EDNRB: variants seen among roughly 807,000 people sequenced by gnomAD.
EDNRB encodes Hirschsprung disease 2.
In EDNRB, 18 loss-of-function variants were observed where a neutral mutation model predicts 46.4. The ratio of observed to expected loss-of-function variants is 0.39; its 90% confidence interval spans 0.27 to 0.57. The LOEUF (loss-of-function observed/expected upper bound fraction) is 0.57, where lower values mean the gene tolerates loss of function less well. Ranked by LOEUF, EDNRB falls within the 20% of genes least tolerant of loss-of-function variation. The pLI is 0.61. For missense variants in EDNRB, 434 were observed against 537.5 expected, an observed-to-expected ratio of 0.81 and a Z score of 1.90; for synonymous variants, 213 against 204.9, an observed-to-expected ratio of 1.04 and a Z score of -0.34.
upstream of EDNRB, chr13:77,919,510 T>C: frequency 6.2e-7 from 1 of 1,612,828 alleles, no homozygotes; most frequent in Non-Finnish European, 8.5e-7. Flanking sequence ...TCCCTTGAGC[T>C]GCAGGCGGGT....
intron 1 of EDNRB, among the ~76,000 whole-genome samples, chr13:77,969,465 C>T (rs1464130818): frequency 6.6e-6 from 1 of 152,178 alleles, no homozygotes; most frequent in East Asian, 1.9e-4. Flanking sequence ...TGGGTTATCT[C>T]CCTCGTGACC....
At chr13:77,936,242 G>A (rs1045079094) in intron 1 of EDNRB, among the ~76,000 whole-genome samples, 1 of 152,144 alleles carries the variant, frequency 6.6e-6, no homozygotes, top group African/African-American at 2.4e-5. Flanking sequence ...GCAATGAGGT[G>A]TGGCTGTAGC....
At chr13:77,902,916 T>A (rs1211317353) in intron 3 of EDNRB, among the ~76,000 whole-genome samples, 5 of 151,990 alleles carry the variant, frequency 3.3e-5, no homozygotes, top group Non-Finnish European at 5.9e-5. Flanking sequence ...AATTCTTTCA[T>A]GTGGACCTGG....
chr13:77,931,045 G>C (rs1454507742), intron 1 of EDNRB, among the ~76,000 whole-genome samples: 3 of 152,170 alleles, frequency 2.0e-5, no homozygotes, highest in Non-Finnish European at 2.9e-5. Flanking sequence ...TCCAGATGCT[G>C]TTTTTGAAAA....
intron 1 of EDNRB, among the ~76,000 whole-genome samples, chr13:77,929,842 T>G (rs1487720897): frequency 6.6e-6 from 1 of 152,230 alleles, no homozygotes; most frequent in African/African-American, 2.4e-5. Flanking sequence ...GTAAGAATAG[T>G]GTCTCCATTG....
chr13:77,915,949 T>C (rs1164250465), intron 1 of EDNRB, among the ~76,000 whole-genome samples: 2 of 152,230 alleles, frequency 1.3e-5, no homozygotes, highest in Non-Finnish European at 2.9e-5. Flanking sequence ...GTATGACCTC[T>C]TGGGGAGTCA....
intron 1 of EDNRB, among the ~76,000 whole-genome samples, chr13:77,937,648 G>A (rs1039613986): frequency 3.7e-4 from 57 of 152,176 alleles, no homozygotes; most frequent in Non-Finnish European, 7.4e-5. Context: ...AGAGCTAGTC[G>A]TGGGACTAAA....
chr13:77,919,652 G>A (rs770970801), upstream of EDNRB: 1 of 1,550,254 alleles, frequency 6.5e-7, no homozygotes, highest in Non-Finnish European at 8.8e-7. Flanking sequence ...GACTCCTCCC[G>A]CGCCTTCCGA....
intron 1 of EDNRB, among the ~76,000 whole-genome samples, chr13:77,905,929 A>G (rs1036147586): frequency 3.9e-5 from 6 of 151,934 alleles, no homozygotes; most frequent in Non-Finnish European, 5.9e-5. Flanking sequence ...GTTCATTGCA[A>G]GGTTTGAAGA....
At chr13:77,949,576 T>C (rs899759497) in intron 1 of EDNRB, among the ~76,000 whole-genome samples, 1 of 152,214 alleles carries the variant, frequency 6.6e-6, no homozygotes, top group Non-Finnish European at 1.5e-5. Context: ...TAGACCTTAA[T>C]TGACACACTG....
intron 1 of EDNRB, among the ~76,000 whole-genome samples, chr13:77,911,923 T>C (rs1879591485): frequency 6.6e-6 from 1 of 152,120 alleles, no homozygotes; most frequent in Non-Finnish European, 1.5e-5. Context: ...ATAAATTACA[T>C]CTTGAATCTT....
At chr13:77,907,736 T>C (rs1311081636) in intron 1 of EDNRB, among the ~76,000 whole-genome samples, 1 of 151,840 alleles carries the variant, frequency 6.6e-6, no homozygotes, top group African/African-American at 2.4e-5. Context: ...TCCAGACCAT[T>C]GAAGGGAAAG....
chr13:77,955,108 C>T lies in EDNRB; in HGVS notation c.-52+20239G>A, dbSNP rs1881199492. Among the ~76,000 whole-genome samples, 4 of 152,158 alleles carry T rather than the reference C, an allele frequency of 2.6e-5. 1 individual carries two copies. In the South Asian group the frequency reaches 8.3e-4, roughly 32 times the overall value. On this transcript the variant is annotated intron_variant, in intron 1 of 7. Coordinates refer to the EDNRB transcript ENST00000646948. ...CTACAATGTACAGAGGTTCCAATTT[C>T]TCCACCTCCTTTCTAATACTCATTA...
intron 1 of EDNRB, among the ~76,000 whole-genome samples, chr13:77,913,858 T>C (rs1274172363): frequency 6.6e-6 from 1 of 152,130 alleles, no homozygotes; most frequent in African/African-American, 2.4e-5. Context: ...TGTGAACAAA[T>C]ATCTAGATTA....
chr13:77,943,511 ACTG>A (rs1254743057), intron 1 of EDNRB, among the ~76,000 whole-genome samples: 3 of 152,108 alleles, frequency 2.0e-5, no homozygotes, highest in African/African-American at 4.8e-5. Flanking sequence ...CGTAAGTACT[ACTG>A]CTTCTGATTT....
intron 1 of EDNRB, among the ~76,000 whole-genome samples, chr13:77,970,584 CTT>C (rs1032315239): frequency 6.6e-6 from 1 of 151,926 alleles, no homozygotes; most frequent in Non-Finnish European, 1.5e-5. Flanking sequence ...TATTTATTAT[CTT>C]TTTTATTATT....
intron 1 of EDNRB, among the ~76,000 whole-genome samples, chr13:77,946,605 G>A (rs1471451714): frequency 6.6e-6 from 1 of 152,084 alleles, no homozygotes; most frequent in Non-Finnish European, 1.5e-5. Flanking sequence ...TCAACTCTAT[G>A]TTGGTGGCTC....
At chr13:77,919,492 A>G, upstream of EDNRB, 4 of 1,612,738 alleles carry the variant, frequency 2.5e-6, no homozygotes, top group Non-Finnish European at 3.4e-6. Context: ...CTGGGAGAGG[A>G]GCACGCCTCC....
intron 1 of EDNRB, among the ~76,000 whole-genome samples, chr13:77,905,408 G>A (rs1275149169): frequency 6.6e-6 from 1 of 151,822 alleles, no homozygotes; most frequent in African/African-American, 2.4e-5. Flanking sequence ...ATACATCTGT[G>A]AGCCATCATA....
Sources: allele counts gnomAD v4.1 joint callset (sites outside exome capture counted in the v4.1 genomes callset), GRCh38; gene constraint gnomAD v4.1.1; transcripts MANE v1.5; gene names NCBI Gene and HGNC (gene_info 2026-07-23, HGNC 2026-07-21).